The following FLNC variants were observed in gnomAD, a reference collection of about 807,000 sequenced individuals.
FLNC encodes filamin C.
A neutral mutation model predicts 254.3 loss-of-function variants in FLNC; 91 were observed. The observed-to-expected ratio is 0.36, with a 90% confidence interval of 0.30 to 0.43. The LOEUF is 0.43. Among genes scored for constraint, FLNC ranks in the 20% least tolerant of loss-of-function variants. The pLI, the probability that FLNC is intolerant of heterozygous loss-of-function variation, is 1.00. For missense variants in FLNC, 2,853 were observed against 3,802.6 expected (o/e 0.75, Z 6.57); for synonymous variants, 1,430 against 1,577.2 (o/e 0.91, Z 2.21).
At chr7:128,848,435 C>T in intron 26 of FLNC, 126 bp from the exon 27 acceptor site, 1 of 1,051,068 alleles carries the variant, frequency 9.5e-7, no homozygotes, top group Non-Finnish European at 1.5e-6. Context: ...ACTGGTCCCT[C>T]CTCCCTGCCC....
rs376078394 is a variant in FLNC at position 128,850,822 on chromosome 7, G to A, written c.5418G>A (p.Ser1806=). The part of the protein sequence containing the change: ...GELTGEVRMP[S]GKTARPNITD... ...CTGCAGGAGAGGTGCGGATGCCCTC[G>A]GGGAAGACGGCACGGCCCAACATCA... is the stretch of plus-strand genomic sequence containing the variant. Residue 1806 remains serine, a synonymous_variant, in exon 33 of 48, where the codon TCG becomes TCA. Transcript: ENST00000325888. 298 of 1,613,744 alleles carry A rather than the reference G, an allele frequency of 1.8e-4. 1 individual carries two copies. The African/African-American group carries it at 2.7e-3, about 15-fold the overall frequency.
chr7:128,844,335 G>T (rs948489200), intron 20 of FLNC, 69 bp downstream of exon 20: 2 of 1,515,770 alleles, frequency 1.3e-6, no homozygotes, highest in African/African-American at 2.7e-5. Context: ...AGTCATAGGG[G>T]GCAGAGGCCA....
At chr7:128,839,751 G>T (rs1419513687) in intron 8 of FLNC, among the ~76,000 whole-genome samples, 1 of 152,242 alleles carries the variant, frequency 6.6e-6, no homozygotes, top group Non-Finnish European at 1.5e-5. Context: ...GGCCTTCCCT[G>T]TCTCTCTGAG....
chr7:128,854,386 T>G lies in FLNC; in HGVS notation c.6728-27T>G, dbSNP rs914578205. The G allele has an allele frequency of 1.9e-6, 3 of 1,605,172 alleles. No individual in the cohort carries two copies. The Admixed American group carries it at 5.1e-5, about 27-fold the overall frequency. ...CCAGGGCTAGGAGGAATCCCAGTGT[T>G]GCCCTGACATCCCCCAAACCCTGCA... On this transcript the variant is annotated intron_variant, in intron 40 of 47. Coordinates refer to ENST00000325888, the MANE Select transcript of FLNC (RefSeq NM_001458.5).
rs750082280 is a variant in FLNC at position 128,837,502 on chromosome 7, T to C, written c.804T>C (p.Val268=). Residue 268 remains valine, a synonymous_variant, in exon 4 of 48, where the codon GTT becomes GTC. Transcript: ENST00000325888. The stretch of plus-strand genomic sequence containing the variant: ...CCAAGCTCAAACCTGGTGCCCCTGT[T>C]CGATCCAAGCAGCTGAACCCCAAGA... ...PKAKLKPGAP[V]RSKQLNPKKA... is the part of the protein sequence containing the mutation. 5 of 1,614,066 alleles carry C rather than the reference T, an allele frequency of 3.1e-6. No individual in the cohort carries two copies. The East Asian group carries it at 1.1e-4, about 36-fold the overall frequency.
intron 35 of FLNC, among the ~76,000 whole-genome samples, 164 bp from the exon 36 acceptor site, chr7:128,852,427 G>A (rs1484497874): frequency 6.6e-6 from 1 of 151,464 alleles, no homozygotes; most frequent in Non-Finnish European, 1.5e-5. Flanking sequence ...CAGCTCACAT[G>A]TGAGTGCAGA....
chr7:128,846,034 T>C lies in FLNC; in HGVS notation c.3835T>C (p.Ser1279Pro), dbSNP rs1562997744. Reference sequence around the variant, plus strand: ...CACTGAGTTCACTGTGGATGCAAGATCCCTAACAGCCACAGGCGGCAACCA... The same window carrying C: ...CACTGAGTTCACTGTGGATGCAAGACCCCTAACAGCCACAGGCGGCAACCA... The part of the protein sequence containing the change: ...VTTEFTVDAR[S>P]LTATGGNHVT... The change falls in exon 22 of 48, where the codon TCC becomes CCC. Residue 1279 changes from serine (S) to proline (P), a missense_variant. Around this residue, in one of 10 missense-constraint regions of FLNC, gnomAD observed 1,573 missense variants for 1,883.5 expected, o/e 0.84. Transcript: ENST00000325888. 1 of 1,613,614 alleles carries C rather than the reference T, an allele frequency of 6.2e-7. No homozygotes were observed. The highest frequency in any genetic ancestry group is 8.5e-7 in the Non-Finnish European group (1 of 1,179,938).
rs775641996 is a variant in FLNC, at chr7:128,844,786, C to T, written c.3321C>T (p.Ile1107=). Residue 1107 remains isoleucine (I), a synonymous_variant, in exon 21 of 48, where the codon ATC becomes ATT. Transcript: ENST00000325888. ...LTVEGPCEAK[I]ECQDNGDGSC... is the part of the protein sequence containing the mutation. ...TAGAGGGCCCCTGCGAGGCCAAGAT[C>T]GAGTGCCAGGACAATGGTGATGGCT... 1.4e-5 allele frequency: 23 copies of T among 1,614,006 alleles called. No individual in the cohort carries two copies. The highest frequency in any genetic ancestry group is 1.9e-5 in the Non-Finnish European group (22 of 1,180,050).
intron 32 of FLNC, 24 bp from the exon 33 acceptor site, chr7:128,850,779 C>T: frequency 6.2e-7 from 1 of 1,613,590 alleles, no homozygotes. Context: ...CCAGGGTCTC[C>T]ACGTAACTGT....
At position 128,850,051 on chromosome 7, in the gene FLNC, C is replaced by G; in HGVS notation, c.5275C>G (p.Pro1759Ala). The G allele has an allele frequency of 3.2e-6, 5 of 1,543,600 alleles. No homozygotes were observed. The highest frequency in any genetic ancestry group is 3.5e-6 in the Non-Finnish European group (4 of 1,149,856). Reference sequence around the variant, plus strand: ...GCGCCAGCCCTACGCTCCTCCCCGGCCCGGCGCCCGCCCCACACACTGGGT... The same window carrying G: ...GCGCCAGCCCTACGCTCCTCCCCGGGCCGGCGCCCGCCCCACACACTGGGT... Reference protein sequence around the residue: ...QLRQPYAPPRPGARPTHWATE... With the variant: ...QLRQPYAPPRAGARPTHWATE... The change falls in exon 31 of 48, where the codon CCC becomes GCC. Residue 1759 changes from proline to alanine, a missense_variant. Pro to Ala is a conservative substitution (Grantham distance 27). Coordinates refer to ENST00000325888, the MANE Select transcript of FLNC (RefSeq NM_001458.5).
rs1808308953 is a variant in FLNC at position 128,841,003 on chromosome 7, T to C, written c.1813+33T>C. The stretch of plus-strand genomic sequence containing the variant: ...GCTGGGGGGCAGGAGGAGGGAGTGC[T>C]GCGGGGGAGGGCAGCAGGGGACACT... On this transcript the variant is annotated intron_variant, in intron 11 of 47. Transcript: ENST00000325888. The surrounding 1 kb of genome is among the most constrained non-coding windows in gnomAD (Gnocchi z 4.3). 1.3e-6 allele frequency: 2 copies of C among 1,574,432 alleles called. No individual in the cohort carries two copies. The highest frequency in any genetic ancestry group is 2.7e-5 in the African/African-American group (2 of 73,322).
In FLNC at chr7:128,846,366, G is replaced by A. The variant is rs374127804; in HGVS notation, c.4030G>A (p.Val1344Met). 32 of 1,612,918 alleles carry A rather than the reference G, an allele frequency of 2.0e-5. No homozygotes were observed. Among genetic ancestry groups the A allele is most frequent in the Middle Eastern group, 1.6e-4 (1 of 6,084 alleles). ...GCCCAAGAGCCCCTTCCGAGTGGGC[G>A]TGACCGAGGGCTGTGATCCCACCCG... ...AVPKSPFRVG[V>M]TEGCDPTRVR... Residue 1344 changes from valine to methionine, a missense_variant, in exon 23 of 48, where the codon GTG becomes ATG. Val to Met is a conservative substitution (Grantham distance 21). Around this residue, in one of 10 missense-constraint regions of FLNC, gnomAD observed 1,573 missense variants for 1,883.5 expected, o/e 0.84. Transcript: ENST00000325888.
rs865889091 is a variant in FLNC at position 128,842,508 on chromosome 7, G to A, written c.2266-67G>A. On this transcript the variant is annotated intron_variant, in intron 14 of 47. Coordinates refer to ENST00000325888, the MANE Select transcript of FLNC (RefSeq NM_001458.5). The surrounding 1 kb of genome is among the most constrained non-coding windows in gnomAD (Gnocchi z 5.4). ...GGGCTGGTGCCACTGAGGCTGGGCCGGGTGCGCTGGGCAGGAGGATGAGCC... is the reference window on the plus strand; with the variant it reads ...GGGCTGGTGCCACTGAGGCTGGGCCAGGTGCGCTGGGCAGGAGGATGAGCC... 23 of 1,553,488 alleles carry A rather than the reference G, an allele frequency of 1.5e-5. No individual in the cohort carries two copies. The South Asian group carries it at 2.5e-4, about 17-fold the overall frequency.
At chr7:128,845,961 C>T (rs770794761) in intron 21 of FLNC, 29 bp from the exon 22 acceptor site, 7 of 1,611,718 alleles carry the variant, frequency 4.3e-6, no homozygotes, top group Non-Finnish European at 5.1e-6. Context: ...GCCCCCACCC[C>T]TGCTGAACAC....
Position 128,858,434 on chromosome 7 carries a change from A to G in FLNC, c.8089A>G (p.Thr2697Ala), listed in dbSNP as rs1292665355. The change falls in exon 48 of 48, where the codon ACT (threonine) becomes GCT (alanine). Residue 2697 changes from threonine to alanine, a missense_variant. By Grantham distance (58) the Thr-to-Ala change is moderately conservative (BLOSUM62 0). Transcript: ENST00000325888. The surrounding 1 kb of genome is among the most constrained non-coding windows in gnomAD (Gnocchi z 6.7). ...MGNRVYNVTY[T>A]VKEKGDYILI... ...GAACCGGGTGTACAATGTCACCTAC[A>G]CTGTCAAGGAGAAAGGGGACTACAT... 4 of 1,613,252 alleles carry G rather than the reference A, an allele frequency of 2.5e-6. No individual in the cohort carries two copies. The Admixed American group carries it at 6.7e-5, about 27-fold the overall frequency.
chr7:128,853,193 T>A, intron 37 of FLNC, 162 bp downstream of exon 37: 1 of 761,572 alleles, frequency 1.3e-6, no homozygotes, highest in Non-Finnish European at 2.3e-6. Flanking sequence ...GGAAAGTGAA[T>A]GGCCCCGCAT....
chr7:128,834,755 G>GA (rs1171830317), intron 1 of FLNC, among the ~76,000 whole-genome samples: 1 of 152,166 alleles, frequency 6.6e-6, no homozygotes, highest in African/African-American at 2.4e-5. Context: ...AATCTATCGT[G>GA]ACAGAGAGCA....
rs750404224 is a variant in FLNC, at chr7:128,840,982, G to A, written c.1813+12G>A. ...GGTGGGGACACTGGGTAAGTGGCTGGGGGGCAGGAGGAGGGAGTGCTGCGG... is the reference window on the plus strand; with the variant it reads ...GGTGGGGACACTGGGTAAGTGGCTGAGGGGCAGGAGGAGGGAGTGCTGCGG... On this transcript the variant is annotated intron_variant, in intron 11 of 47. Coordinates refer to ENST00000325888, the MANE Select transcript of FLNC (RefSeq NM_001458.5). 115 of 1,585,504 alleles carry A rather than the reference G, an allele frequency of 7.3e-5. No homozygotes were observed. In the Admixed American group the frequency reaches 2.1e-3, roughly 29 times the overall value.
chr7:128,837,153 T>A lies in FLNC; in HGVS notation c.602-7T>A, dbSNP rs764436726. 8.8e-6 allele frequency: 14 copies of A among 1,587,170 alleles called. No individual in the cohort carries two copies. Among genetic ancestry groups the A allele is most frequent in the Middle Eastern group, 1.7e-4 (1 of 6,024 alleles). On this transcript the variant is annotated splice_polypyrimidine_tract_variant and splice_region_variant and intron_variant, in intron 2 of 47. Transcript: ENST00000325888. ...CTCACCATCGTCTCCCTCCATCACC[T>A]CTCCAGGTCTCTGCCCCGACTGGGA... is the stretch of plus-strand genomic sequence containing the variant.
Sources: allele counts gnomAD v4.1 joint callset (sites outside exome capture counted in the v4.1 genomes callset), GRCh38; gene constraint gnomAD v4.1.1; regional missense constraint gnomAD v4.1.1; non-coding constraint Gnocchi (gnomAD v3.1); transcripts MANE v1.5; gene names NCBI Gene and HGNC (gene_info 2026-07-23, HGNC 2026-07-21).